The following HIBCH variants were observed in gnomAD, a reference collection of about 807,000 sequenced individuals.
The protein encoded by HIBCH is 3-hydroxyisobutyryl-CoA hydrolase, also known as 3-hydroxyisobutyryl-CoA hydrolase, mitochondrial.
A neutral mutation model predicts 58.2 loss-of-function variants in HIBCH; 50 were observed. That is an observed-to-expected ratio of 0.86 (90% confidence interval 0.68 to 1.09). The LOEUF (loss-of-function observed/expected upper bound fraction) is 1.09, where lower values mean the gene tolerates loss of function less well. Ranked by LOEUF, HIBCH falls within the 50% of genes least tolerant of loss-of-function variation. HIBCH has a pLI of 0.00. For missense variants in HIBCH, 450 were observed against 449.7 expected, an observed-to-expected ratio of 1.00 and a Z score of -0.01; for synonymous variants, 151 against 146.9, an observed-to-expected ratio of 1.03 and a Z score of -0.20.
intron 1 of HIBCH, among the ~76,000 whole-genome samples, chr2:190,314,291 G>A (rs77005328): frequency 3.9e-5 from 2 of 51,566 alleles, no homozygotes. Flanking sequence ...ATATATATAT[G>A]TATATATACA....
At chr2:190,305,372 G>A (rs572652031) in intron 2 of HIBCH, among the ~76,000 whole-genome samples, 81 of 152,208 alleles carry the variant, frequency 5.3e-4, no homozygotes, top group African/African-American at 1.8e-3. Flanking sequence ...AAGGTGCTAG[G>A]GAAGGAACTA....
intron 6 of HIBCH, among the ~76,000 whole-genome samples, chr2:190,266,424 T>C (rs564015736): frequency 2.0e-5 from 3 of 152,318 alleles, no homozygotes; most frequent in Non-Finnish European, 4.4e-5. Context: ...TTTACAAGAT[T>C]AGTCATTTTT....
chr2:190,276,747 A>T (rs2119464), intron 6 of HIBCH, among the ~76,000 whole-genome samples: 148,254 of 152,306 alleles, frequency 0.97, 72,197 homozygotes, highest in Admixed American at 0.98. Flanking sequence ...GCCAAATAAA[A>T]TACCCAGCCT....
chr2:190,190,677 A>G (rs536087798), intron 1 of HIBCH, among the ~76,000 whole-genome samples: 11 of 152,310 alleles, frequency 7.2e-5, no homozygotes, highest in African/African-American at 2.6e-4. Flanking sequence ...CCAGCAATAT[A>G]TGCGTTGCAT....
intron 11 of HIBCH, among the ~76,000 whole-genome samples, chr2:190,219,233 A>G (rs1389151187): frequency 6.6e-6 from 1 of 152,238 alleles, no homozygotes; most frequent in Non-Finnish European, 1.5e-5. Flanking sequence ...GACCTAATAA[A>G]TTTAAGAACT....
intron 1 of HIBCH, among the ~76,000 whole-genome samples, chr2:190,192,393 GTTCT>G (rs1417147603): frequency 3.3e-5 from 5 of 149,864 alleles, no homozygotes; most frequent in Non-Finnish European, 5.9e-5. Flanking sequence ...CCAAATTATT[GTTCT>G]TTCTCAAAAT....
At chr2:190,234,727 G>A (rs889206920) in intron 11 of HIBCH, among the ~76,000 whole-genome samples, 1 of 151,922 alleles carries the variant, frequency 6.6e-6, no homozygotes, top group African/African-American at 2.4e-5. Flanking sequence ...GCGGGCACCT[G>A]TAATCCCAGT....
chr2:190,208,768 G>A (rs974036443), intron 13 of HIBCH, 112 bp downstream of exon 13: 14 of 873,734 alleles, frequency 1.6e-5, no homozygotes, highest in Admixed American at 3.9e-5. Context: ...TCAGATTTTG[G>A]TACATTTTGG....
intron 1 of HIBCH, among the ~76,000 whole-genome samples, chr2:190,196,877 A>C (rs62184383): frequency 0.017 from 2,637 of 152,312 alleles, 29 homozygotes; most frequent in Middle Eastern, 0.031. Context: ...ATGGTATAAC[A>C]AAATACCAGA....
chr2:190,208,709 A>T lies in HIBCH; in HGVS notation c.1045+171T>A, dbSNP rs954766159. 3.4e-5 allele frequency: 21 copies of T among 623,858 alleles called. No homozygotes were observed. In the Admixed American group the frequency reaches 3.7e-4, roughly 11 times the overall value. 38.6% of individuals were successfully genotyped at this position (623,858 alleles called of 1,614,324 possible). On this transcript the variant is annotated intron_variant, in intron 13 of 13. Transcript: ENST00000359678. The stretch of plus-strand genomic sequence containing the variant: ...TCAGATTTTGGAATATTTGCATTAT[A>T]CTTATGGTCCAATGAACATTTGAGT...
At chr2:190,241,170 A>T (rs1686443074) in intron 11 of HIBCH, among the ~76,000 whole-genome samples, 1 of 152,194 alleles carries the variant, frequency 6.6e-6, no homozygotes, top group African/African-American at 2.4e-5. Context: ...ATTGGTGAAT[A>T]TATATTTAGG....
intron 1 of HIBCH, among the ~76,000 whole-genome samples, chr2:190,190,680 C>T (rs1025899714): frequency 2.0e-5 from 3 of 152,108 alleles, no homozygotes; most frequent in African/African-American, 7.2e-5. Flanking sequence ...GCAATATATG[C>T]GTTGCATGTC....
intron 1 of HIBCH, among the ~76,000 whole-genome samples, chr2:190,194,734 T>TGTC (rs1191420344): frequency 6.6e-6 from 1 of 152,232 alleles, no homozygotes; most frequent in Non-Finnish European, 1.5e-5. Flanking sequence ...GTCTTTTTAC[T>TGTC]GTCTCCAGAG....
chr2:190,241,221 T>C (rs1445426442), intron 11 of HIBCH, among the ~76,000 whole-genome samples: 1 of 152,230 alleles, frequency 6.6e-6, no homozygotes, highest in African/African-American at 2.4e-5. Context: ...TTTACCATTA[T>C]GTAATGCCTT....
At chr2:190,307,955 C>T (rs1688456828) in intron 2 of HIBCH, among the ~76,000 whole-genome samples, 1 of 152,206 alleles carries the variant, frequency 6.6e-6, no homozygotes, top group Non-Finnish European at 1.5e-5. Context: ...CATAACTCTG[C>T]CTGCAATACT....
chr2:190,245,026 T>C, intron 10 of HIBCH, 58 bp from the exon 11 acceptor site: 1 of 1,083,808 alleles, frequency 9.2e-7, no homozygotes, highest in Non-Finnish European at 1.4e-6. Context: ...GTTTCTAACA[T>C]ACGATGAATC....
At chr2:190,256,844 C>T (rs1229332196) in intron 7 of HIBCH, among the ~76,000 whole-genome samples, 1 of 151,772 alleles carries the variant, frequency 6.6e-6, no homozygotes, top group Non-Finnish European at 1.5e-5. Context: ...CTGAAAAATA[C>T]CTGGATGAGA....
intron 11 of HIBCH, among the ~76,000 whole-genome samples, chr2:190,242,415 A>G (rs190263634): frequency 1.6e-4 from 24 of 152,106 alleles, no homozygotes; most frequent in Non-Finnish European, 3.2e-4. Flanking sequence ...TATGAAGCCT[A>G]CTTCTGTCAA....
At chr2:190,201,267 TACAC>T (rs1690232837), downstream of HIBCH, 1 of 166,890 alleles carries the variant, frequency 6.0e-6, no homozygotes, top group Non-Finnish European at 1.5e-5. Flanking sequence ...TCACAGCACA[TACAC>T]ACACACCTTT....
Sources: allele counts gnomAD v4.1 joint callset (sites outside exome capture counted in the v4.1 genomes callset), GRCh38; gene constraint gnomAD v4.1.1; transcripts MANE v1.5; gene names NCBI Gene and HGNC (gene_info 2026-07-23, HGNC 2026-07-21).